Variants in RPS6KA1 observed in about 807,000 individuals in gnomAD.
RPS6KA1 encodes the protein ribosomal protein S6 kinase A1, also known as ribosomal protein S6 kinase alpha-1.
A neutral mutation model predicts 91.3 loss-of-function variants in RPS6KA1; 48 were observed. The ratio of observed to expected loss-of-function variants is 0.53; its 90% CI spans 0.42 to 0.67. The LOEUF is 0.67. RPS6KA1 is among the 30% of genes least tolerant of loss of function. The pLI, the probability that RPS6KA1 is intolerant of heterozygous loss-of-function variation, is 0.00. For missense variants in RPS6KA1, 719 were observed against 960.5 expected (o/e 0.75, Z 3.32); for synonymous variants, 359 against 384.7 (o/e 0.93, Z 0.78).
In RPS6KA1 at chr1:26,555,577, C is replaced by T; in HGVS notation, c.868C>T (p.Gln290Ter). 3.1e-6 allele frequency: 5 copies of T among 1,601,560 alleles called. No homozygotes were observed. Among genetic ancestry groups the T allele is most frequent in the African/African-American group, 1.3e-5 (1 of 74,746 alleles). ...GMPQFLSTEA[Q>*]SLLRALFKRN... ...GCCCCAGTTTCTGAGCACTGAAGCC[C>T]AGAGCCTCTTGCGGGCCCTGTTCAA... is the stretch of plus-strand genomic sequence containing the variant. Residue 290 changes from glutamine to a stop codon, truncating the protein, a stop_gained, in exon 11 of 22, where the codon CAG becomes TAG. Transcript: ENST00000374168. LOFTEE classifies it high-confidence loss of function. The surrounding 1 kb of genome is among the most constrained non-coding windows in gnomAD (Gnocchi z 4.3).
At chr1:26,537,038 G>T in intron 2 of RPS6KA1, 69 bp downstream of exon 2, 1 of 1,538,626 alleles carries the variant, frequency 6.5e-7, no homozygotes, top group South Asian at 1.1e-5. Flanking sequence ...TTTGGAGGAG[G>T]TTGAGGGCTC....
chr1:26,539,217 G>A (rs145794359), intron 2 of RPS6KA1, among the ~76,000 whole-genome samples: 106 of 152,278 alleles, frequency 7.0e-4, no homozygotes, highest in Admixed American at 1.6e-3. Context: ...GCACGTCCCC[G>A]GGAACCCAGC....
chr1:26,545,442 C>G (rs560097981), intron 2 of RPS6KA1, among the ~76,000 whole-genome samples: 3 of 151,828 alleles, frequency 2.0e-5, no homozygotes, highest in Non-Finnish European at 2.9e-5. Context: ...TCCCAAAGTG[C>G]TGGGATTACA....
intron 11 of RPS6KA1, 94 bp from the exon 12 acceptor site, chr1:26,556,560 C>A: frequency 7.5e-7 from 1 of 1,334,772 alleles, no homozygotes; most frequent in Admixed American, 1.7e-5. Flanking sequence ...GCTCCAGCAG[C>A]TGGTCCCAGA....
At chr1:26,530,038 C>A in intron 1 of RPS6KA1, 55 bp downstream of exon 1, 1 of 1,217,006 alleles carries the variant, frequency 8.2e-7, no homozygotes, top group Non-Finnish European at 1.0e-6. Context: ...CGGATCCTCA[C>A]AGGGGCGGGG....
intron 14 of RPS6KA1, 119 bp from the exon 15 acceptor site, chr1:26,560,607 C>T (rs564200554): frequency 7.6e-7 from 1 of 1,311,392 alleles, no homozygotes; most frequent in East Asian, 2.3e-5. Flanking sequence ...CAACACTCTA[C>T]CCCAAGTCTC....
rs1377069916 is a variant in RPS6KA1, at chr1:26,558,224, C to T, written c.1085-583C>T. ...AGGCAAGGCTTCTCAGAGGAGGGAG[C>T]GTGCGAGTTGAGTCTTGAAGGATAG... On this transcript the variant is annotated intron_variant, in intron 13 of 21. Transcript: ENST00000374168. The surrounding 1 kb of genome is among the most constrained non-coding windows in gnomAD (Gnocchi z 4.0). Among the ~76,000 whole-genome samples the T allele has an allele frequency of 3.3e-5, 5 of 152,106 alleles. No homozygotes were observed. The highest frequency in any genetic ancestry group is 7.4e-5 in the Non-Finnish European group (5 of 68,022).
At position 26,547,047 on chromosome 1, in the gene RPS6KA1, C is replaced by A; in HGVS notation, c.225+64C>A. ...CATGTTAGAGGTGGGGGTCAAGGGT[C>A]ACCTAGGGGCCCAAAGGATCAGAGG... On this transcript the variant is annotated intron_variant, in intron 3 of 21. Transcript: ENST00000374168. This position sits in a 1 kb window ranked among gnomAD's most constrained non-coding sequence, Gnocchi z 4.1. 6.5e-7 allele frequency: 1 copy of A among 1,528,114 alleles called. No homozygotes were observed. Among genetic ancestry groups the A allele is most frequent in the Non-Finnish European group, 9.1e-7 (1 of 1,102,472 alleles). The allele number at this position is 1,528,114 out of a possible 1,614,324, so 94.7% of individuals were successfully genotyped here. A position where few individuals can be genotyped will look rare whatever the true frequency, so the allele number is the denominator to read the frequency against.
Position 26,561,459 on chromosome 1 carries a change from A to G in RPS6KA1, c.1432-46A>G. The G allele has an allele frequency of 6.2e-7, 1 of 1,613,070 alleles. No homozygotes were observed. The highest frequency in any genetic ancestry group is 8.5e-7 in the Non-Finnish European group (1 of 1,179,148). ...TGGGGCGCTGCTGACCAGGGGGCTC[A>G]GGCCTGACACTGGGGAGAAGAGCCT... is the stretch of plus-strand genomic sequence containing the variant. On this transcript the variant is annotated intron_variant, in intron 16 of 21. Transcript: ENST00000374168. This position sits in a 1 kb window ranked among gnomAD's most constrained non-coding sequence, Gnocchi z 5.7.
intron 4 of RPS6KA1, among the ~76,000 whole-genome samples, chr1:26,550,965 G>A (rs183051095): frequency 6.6e-6 from 1 of 152,270 alleles, no homozygotes; most frequent in Non-Finnish European, 1.5e-5. Context: ...TACCAGCCCC[G>A]AGACCAGAAT....
Position 26,561,554 on chromosome 1 carries a change from G to A in RPS6KA1, c.1481G>A (p.Gly494Asp). Residue 494 changes from glycine (G) to aspartate (D), a missense_variant, in exon 17 of 22, where the codon GGT becomes GAT. Gly to Asp is a moderately conservative substitution (Grantham distance 94). Coordinates refer to ENST00000374168, the MANE Select transcript of RPS6KA1 (RefSeq NM_002953.4). The surrounding 1 kb of genome is among the most constrained non-coding windows in gnomAD (Gnocchi z 5.7). ...TACCTGGTGACAGAGCTGATGCGGG[G>A]TGGGGAGCTGCTGGACAAGATCCTG... is the stretch of plus-strand genomic sequence containing the variant. ...HVYLVTELMR[G>D]GELLDKILRQ... is the part of the protein sequence containing the mutation. The A allele has an allele frequency of 6.2e-7, 1 of 1,614,182 alleles. No homozygotes were observed. The highest frequency in any genetic ancestry group is 8.5e-7 in the Non-Finnish European group (1 of 1,180,028).
In RPS6KA1 at chr1:26,574,320, G is replaced by A; in HGVS notation, c.*119G>A. The A allele has an allele frequency of 2.3e-6, 3 of 1,298,056 alleles. No homozygotes were observed. The highest frequency in any genetic ancestry group is 3.4e-6 in the Non-Finnish European group (3 of 894,048). The allele number at this position is 1,298,056 out of a possible 1,614,324, so 80.4% of individuals were successfully genotyped here. A position where few individuals can be genotyped will look rare whatever the true frequency, so the allele number is the denominator to read the frequency against. ...AGCTGGAACCCGAGGGGCCGGGGAA[G>A]CTGCCAGCCCAGAACACCCCTAATG... is the stretch of plus-strand genomic sequence containing the variant. On this transcript the variant is annotated 3_prime_UTR_variant, in exon 22 of 22. Coordinates refer to ENST00000374168, the MANE Select transcript of RPS6KA1 (RefSeq NM_002953.4). This position sits in a 1 kb window ranked among gnomAD's most constrained non-coding sequence, Gnocchi z 4.3.
chr1:26,574,144 C>T lies in RPS6KA1; in HGVS notation c.2151C>T (p.Ile717=), dbSNP rs769980803. 3 of 1,614,142 alleles carry T rather than the reference C, an allele frequency of 1.9e-6. No homozygotes were observed. In the South Asian group the frequency reaches 3.3e-5, roughly 18 times the overall value. ...AGCCCACCCCCCAGCTGAAGCCCAT[C>T]GAGTCATCCATCCTGGCCCAGCGGC... ...SSKPTPQLKP[I]ESSILAQRRV... Residue 717 remains isoleucine (I), a synonymous_variant, in exon 22 of 22, where the codon ATC becomes ATT. Transcript: ENST00000374168. This position sits in a 1 kb window ranked among gnomAD's most constrained non-coding sequence, Gnocchi z 4.3.
rs926387114 is a variant in RPS6KA1, at chr1:26,555,752, G to A, written c.916+127G>A. The A allele has an allele frequency of 2.0e-4, 175 of 887,512 alleles. No homozygotes were observed. Among genetic ancestry groups the A allele is most frequent in the Non-Finnish European group, 2.9e-4 (163 of 554,930 alleles). 55.0% of individuals were successfully genotyped at this position (887,512 alleles called of 1,614,324 possible). Reference sequence around the variant, plus strand: ...CCTTTGTGTGGGCAGACAATGCCGCGGGCCACCCTGCTTTCTGGCTCCATG... The same window carrying A: ...CCTTTGTGTGGGCAGACAATGCCGCAGGCCACCCTGCTTTCTGGCTCCATG... On this transcript the variant is annotated intron_variant, in intron 11 of 21. Transcript: ENST00000374168. The surrounding 1 kb of genome is among the most constrained non-coding windows in gnomAD (Gnocchi z 4.3).
chr1:26,574,827 T>A lies in RPS6KA1; in HGVS notation c.*626T>A. 4.3e-6 allele frequency: 1 copy of A among 233,892 alleles called. No homozygotes were observed. The highest frequency in any genetic ancestry group is 8.8e-6 in the Non-Finnish European group (1 of 114,224). 14.5% of individuals were successfully genotyped at this position (233,892 alleles called of 1,614,324 possible). On this transcript the variant is annotated 3_prime_UTR_variant, in exon 22 of 22. Transcript: ENST00000374168. The surrounding 1 kb of genome is among the most constrained non-coding windows in gnomAD (Gnocchi z 4.3). The stretch of plus-strand genomic sequence containing the variant: ...ACCTTGGCTCTGCCAGTGGATCCCC[T>A]GCGGTCAGGCTGGGCAGCCCCAGAG...
chr1:26,573,974 G>A, intron 21 of RPS6KA1, 105 bp from the exon 22 acceptor site: 1 of 1,254,554 alleles, frequency 8.0e-7, no homozygotes, highest in South Asian at 1.5e-5. Flanking sequence ...ACCAAAAAAA[G>A]TGGGCTGTGG....
At chr1:26,565,265 A>T (rs967118624) in intron 17 of RPS6KA1, among the ~76,000 whole-genome samples, 2 of 152,078 alleles carry the variant, frequency 1.3e-5, no homozygotes, top group African/African-American at 2.4e-5. Context: ...ATCCCACAGG[A>T]GCTGAGGGAT....
chr1:26,573,557 T>C (rs1241899460), intron 21 of RPS6KA1, among the ~76,000 whole-genome samples, 196 bp downstream of exon 21: 1 of 152,112 alleles, frequency 6.6e-6, no homozygotes, highest in African/African-American at 2.4e-5. Flanking sequence ...CCCCCAATCC[T>C]CTGGAAGGCA....
rs1378109330 is a variant in RPS6KA1 at position 26,571,263 on chromosome 1, C to G, written c.1591-186C>G. On this transcript the variant is annotated intron_variant, in intron 17 of 21. Transcript: ENST00000374168. This position sits in a 1 kb window ranked among gnomAD's most constrained non-coding sequence, Gnocchi z 5.1. ...GTTAACTTAGAGCTACCTGTAGACA[C>G]CTACACAGAGTCAGTAGCAGCAGCA... is the stretch of plus-strand genomic sequence containing the variant. 6.5e-6 allele frequency: 4 copies of G among 614,108 alleles called. No individual in the cohort carries two copies. The highest frequency in any genetic ancestry group is 1.2e-5 in the Non-Finnish European group (4 of 346,132). 38.0% of individuals were successfully genotyped at this position (614,108 alleles called of 1,614,324 possible). A position where few individuals can be genotyped will look rare whatever the true frequency, so the allele number is the denominator to read the frequency against.
Sources: allele counts gnomAD v4.1 joint callset (sites outside exome capture counted in the v4.1 genomes callset), GRCh38; gene constraint gnomAD v4.1.1; non-coding constraint Gnocchi (gnomAD v3.1); transcripts MANE v1.5; gene names NCBI Gene and HGNC (gene_info 2026-07-23, HGNC 2026-07-21).